Variants in PRKCQ observed in about 807,000 individuals in gnomAD.
PRKCQ encodes protein kinase C theta type.
A neutral mutation model predicts 91.2 loss-of-function variants in PRKCQ; 41 were observed. The observed-to-expected ratio is 0.45, with a 90% CI of 0.35 to 0.58. PRKCQ has a LOEUF of 0.58. PRKCQ is among the 20% of genes least tolerant of loss of function. PRKCQ has a pLI of 0.00. For missense variants in PRKCQ, 673 were observed against 896.5 expected, an observed-to-expected ratio of 0.75 and a Z score of 3.18; for synonymous variants, 307 against 316.9, an observed-to-expected ratio of 0.97 and a Z score of 0.33.
intron 1 of PRKCQ, among the ~76,000 whole-genome samples, chr10:6,530,561 C>T (rs1466299343): frequency 6.6e-6 from 1 of 152,054 alleles, no homozygotes; most frequent in Non-Finnish European, 1.5e-5. Flanking sequence ...GGGGTTGTTG[C>T]AAATAGAGGG....
chr10:6,484,192 T>G (rs1564339776), intron 10 of PRKCQ, among the ~76,000 whole-genome samples: 1 of 152,160 alleles, frequency 6.6e-6, no homozygotes, highest in Admixed American at 6.5e-5. Flanking sequence ...GGTGGGCGGA[T>G]TGCCTGAGCT....
In PRKCQ at chr10:6,428,187, T is replaced by C; in HGVS notation, c.*20A>G. 6.2e-7 allele frequency: 1 copy of C among 1,614,076 alleles called. No individual in the cohort carries two copies. The highest frequency in any genetic ancestry group is 8.5e-7 in the Non-Finnish European group (1 of 1,180,004). ...CCCAGGGAGAAGGCAAATTCTTTCC[T>C]GTCTCTGGAGGGGCAAGATTCAGGA... On this transcript the variant is annotated 3_prime_UTR_variant, in exon 18 of 18. Coordinates refer to ENST00000263125, the MANE Select transcript of PRKCQ (RefSeq NM_006257.5).
intron 7 of PRKCQ, among the ~76,000 whole-genome samples, chr10:6,492,226 C>T (rs575005195): frequency 1.1e-4 from 13 of 122,192 alleles, no homozygotes; most frequent in Non-Finnish European, 1.8e-4. Flanking sequence ...TGCTTTTAAC[C>T]TTTGGAAGAT....
chr10:6,394,378 GT>G, the PRKCQ span, among the ~76,000 whole-genome samples: 1 of 152,226 alleles, frequency 6.6e-6, no homozygotes, highest in Non-Finnish European at 1.5e-5. Flanking sequence ...CTTGAACTAG[GT>G]CAGTCATTTT....
At chr10:6,529,623 G>A (rs1188803446) in intron 1 of PRKCQ, among the ~76,000 whole-genome samples, 1 of 152,204 alleles carries the variant, frequency 6.6e-6, no homozygotes, top group Non-Finnish European at 1.5e-5. Flanking sequence ...ACCCAGGAAG[G>A]AGTTAACATG....
At chr10:6,535,301 A>G (rs1381886542) in intron 1 of PRKCQ, among the ~76,000 whole-genome samples, 1 of 152,224 alleles carries the variant, frequency 6.6e-6, no homozygotes, top group Non-Finnish European at 1.5e-5. Flanking sequence ...TATCTAAGCC[A>G]TAGTTCCTGT....
At chr10:6,500,150 T>A (rs141903372) in intron 4 of PRKCQ, among the ~76,000 whole-genome samples, 1 of 152,340 alleles carries the variant, frequency 6.6e-6, no homozygotes, top group East Asian at 1.9e-4. Flanking sequence ...GATCACTGAG[T>A]TAATCACCTT....
the PRKCQ span, among the ~76,000 whole-genome samples, chr10:6,394,989 C>T: frequency 6.7e-6 from 1 of 150,364 alleles, no homozygotes; most frequent in Non-Finnish European, 1.5e-5. Context: ...GCCGATTTAT[C>T]AAGACGGGGG....
intron 16 of PRKCQ, among the ~76,000 whole-genome samples, chr10:6,431,612 G>T (rs1003506546): frequency 6.6e-6 from 1 of 152,178 alleles, no homozygotes; most frequent in Non-Finnish European, 1.5e-5. Context: ...ACACCCAACA[G>T]CATAGAGTCA....
At position 6,486,177 on chromosome 10, in the gene PRKCQ, TG is replaced by T. The variant is rs761197066; in HGVS notation, c.791-34del. ...GAAGAAGGCAGATAGTGAGCAAGAGTGGAAGAACCCCCTGGTGCTAAACAAC... is the reference window on the plus strand; with the variant it reads ...GAAGAAGGCAGATAGTGAGCAAGAGTGAAGAACCCCCTGGTGCTAAACAAC... On this transcript the variant is annotated intron_variant, in intron 8 of 17. Coordinates refer to ENST00000263125, the MANE Select transcript of PRKCQ (RefSeq NM_006257.5). 9 of 1,556,932 alleles carry T rather than the reference TG, an allele frequency of 5.8e-6. No individual in the cohort carries two copies. The South Asian group carries it at 8.9e-5, about 15-fold the overall frequency.
chr10:6,526,392 C>T lies in PRKCQ; in HGVS notation c.-9-11248G>A, dbSNP rs138745255. ...TCCTTTGTGCAGAGGTCCAGATGCACGAGACAGACAAGAAAGCAGAAGAAT... is the reference window on the plus strand; with the variant it reads ...TCCTTTGTGCAGAGGTCCAGATGCATGAGACAGACAAGAAAGCAGAAGAAT... On this transcript the variant is annotated intron_variant, in intron 1 of 17. Transcript: ENST00000263125. Among the ~76,000 whole-genome samples the T allele has an allele frequency of 7.4e-3, 1,130 of 152,092 alleles. 7 individuals are homozygous for T. The highest frequency in any genetic ancestry group is 0.01 in the Non-Finnish European group (713 of 68,016).
chr10:6,573,824 G>A (rs1213755830), intron 1 of PRKCQ, among the ~76,000 whole-genome samples: 2 of 152,204 alleles, frequency 1.3e-5, no homozygotes, highest in South Asian at 4.1e-4. Context: ...AGTTAAAGGC[G>A]AAAAGAGCTA....
In PRKCQ at chr10:6,576,168, C is replaced by A. The variant is rs1490635597; in HGVS notation, c.-10+4043G>T. Reference sequence around the variant, plus strand: ...TATGGCAGTTCCTCAAAAAATTAAACATAGAATTACCCTACGACCCCACAA... The same window carrying A: ...TATGGCAGTTCCTCAAAAAATTAAAAATAGAATTACCCTACGACCCCACAA... On this transcript the variant is annotated intron_variant, in intron 1 of 17. Coordinates refer to ENST00000263125, the MANE Select transcript of PRKCQ (RefSeq NM_006257.5). This position sits in a 1 kb window ranked among gnomAD's most constrained non-coding sequence, Gnocchi z 4.2. Among the ~76,000 whole-genome samples, 4 of 152,174 alleles carry A rather than the reference C, an allele frequency of 2.6e-5. No homozygotes were observed. Among genetic ancestry groups the A allele is most frequent in the Admixed American group, 2.6e-4 (4 of 15,280 alleles).
chr10:6,453,716 T>C (rs1021516883), intron 15 of PRKCQ, among the ~76,000 whole-genome samples: 4 of 148,900 alleles, frequency 2.7e-5, no homozygotes, highest in African/African-American at 1.0e-4. Context: ...GTGGCACATA[T>C]ACACCATGGA....
chr10:6,413,498 ACACACACACT>A, the PRKCQ span, among the ~76,000 whole-genome samples: 3 of 131,744 alleles, frequency 2.3e-5, no homozygotes, highest in South Asian at 2.4e-4. Flanking sequence ...ACACACACAC[ACACACACACT>A]AGGAAGCACT....
At chr10:6,469,943 G>C (rs535800964) in intron 12 of PRKCQ, among the ~76,000 whole-genome samples, 10 of 152,294 alleles carry the variant, frequency 6.6e-5, no homozygotes, top group African/African-American at 2.4e-4. Flanking sequence ...GCTACAACCT[G>C]AATAGTCTCC....
chr10:6,492,567 A>G (rs1288019904), intron 7 of PRKCQ, among the ~76,000 whole-genome samples: 1 of 152,248 alleles, frequency 6.6e-6, no homozygotes, highest in Non-Finnish European at 1.5e-5. Flanking sequence ...TAAGCTTGGC[A>G]GTCAGAATCA....
chr10:6,548,454 T>C (rs1447420417), intron 1 of PRKCQ, among the ~76,000 whole-genome samples: 3 of 150,780 alleles, frequency 2.0e-5, no homozygotes, highest in Non-Finnish European at 4.5e-5. Flanking sequence ...TGTGGCACTA[T>C]TCACAATAGC....
chr10:6,499,978 C>T (rs1837818989), intron 4 of PRKCQ, among the ~76,000 whole-genome samples: 1 of 152,194 alleles, frequency 6.6e-6, no homozygotes, highest in Non-Finnish European at 1.5e-5. Context: ...TATGGCAACC[C>T]CAACTTCCAG....
Sources: gnomAD v4.1 joint callset for allele counts (sites outside exome capture counted in the v4.1 genomes callset) on GRCh38, gnomAD v4.1.1 for gene constraint, Gnocchi (gnomAD v3.1) non-coding constraint, MANE v1.5 for transcripts, NCBI Gene and HGNC (gene_info 2026-07-23, HGNC 2026-07-21) for gene names.